Variants in PDZRN3 observed in about 807,000 individuals in gnomAD.
The protein encoded by PDZRN3 is E3 ubiquitin-protein ligase PDZRN3.
PDZRN3 carries 38 observed loss-of-function variants against 85.7 expected under a neutral mutation model. The observed-to-expected ratio is 0.44, with a 90% CI of 0.34 to 0.58. The LOEUF is 0.58. Ranked by LOEUF, PDZRN3 falls within the 20% of genes least tolerant of loss-of-function variation. The pLI, the probability that PDZRN3 is intolerant of heterozygous loss-of-function variation, is 0.01. For synonymous variants in PDZRN3, 759 were observed against 638.0 expected (o/e 1.19, Z -2.86); for missense variants, 1,629 against 1,506.4 (o/e 1.08, Z -1.35).
At chr3:73,555,100 GGGATTT>G (rs1701663206) in intron 3 of PDZRN3, among the ~76,000 whole-genome samples, 11 of 152,114 alleles carry the variant, frequency 7.2e-5, no homozygotes. Context: ...AGGCAATTAG[GGGATTT>G]ATAGCCAATG....
intron 3 of PDZRN3, among the ~76,000 whole-genome samples, chr3:73,435,116 T>C (rs573953608): frequency 7.1e-4 from 108 of 152,264 alleles, no homozygotes; most frequent in Non-Finnish European, 1.2e-3. Context: ...TGAAGAATAA[T>C]GCTCCCTTTC....
chr3:73,496,600 C>T (rs13072073), intron 3 of PDZRN3, among the ~76,000 whole-genome samples: 39,382 of 151,484 alleles, frequency 0.26, 6,334 homozygotes, highest in Non-Finnish European at 0.38. Flanking sequence ...AACTACAATG[C>T]TAATATCACA....
chr3:73,543,775 A>G (rs1701343451), intron 3 of PDZRN3, among the ~76,000 whole-genome samples: 1 of 152,258 alleles, frequency 6.6e-6, no homozygotes, highest in Non-Finnish European at 1.5e-5. Context: ...TACCTTTAAC[A>G]TCTAAAACAG....
chr3:73,432,324 C>T (rs1037543864), intron 3 of PDZRN3, among the ~76,000 whole-genome samples: 1 of 152,182 alleles, frequency 6.6e-6, no homozygotes, highest in African/African-American at 2.4e-5. Context: ...ACATGTCTCC[C>T]AAATGCTTTG....
rs1701301063 is a variant in PDZRN3 at position 73,384,334 on chromosome 3, G to A, written c.2232C>T (p.Thr744=). 1.2e-6 allele frequency: 2 copies of A among 1,611,474 alleles called. No homozygotes were observed. The highest frequency in any genetic ancestry group is 1.7e-6 in the Non-Finnish European group (2 of 1,179,948). ...DVRRHELSDI[T]ELPEKSDKDS... is the part of the protein sequence containing the mutation. ...CCTTGTCGGATTTCTCCGGGAGCTC[G>A]GTGATATCTGAGAGCTCGTGTCTGC... The change falls in exon 10 of 10, where the codon ACC becomes ACT. Residue 744 remains threonine (T), a synonymous_variant. Transcript: ENST00000263666.
chr3:73,402,315 G>C (rs1338946354), intron 4 of PDZRN3: 2 of 152,232 alleles, frequency 1.3e-5, no homozygotes, highest in Non-Finnish European at 2.9e-5. Flanking sequence ...ATGTGAGGCA[G>C]TTTGGTCTGT....
intron 3 of PDZRN3, among the ~76,000 whole-genome samples, chr3:73,405,572 A>G (rs1024546747): frequency 6.6e-6 from 1 of 152,226 alleles, no homozygotes; most frequent in African/African-American, 2.4e-5. Context: ...CATAGGACAC[A>G]TGGCTGCAGA....
At chr3:73,570,982 A>T (rs996413906) in intron 3 of PDZRN3, among the ~76,000 whole-genome samples, 2 of 152,216 alleles carry the variant, frequency 1.3e-5, no homozygotes, top group Non-Finnish European at 2.9e-5. Flanking sequence ...TAAAGAGAAG[A>T]GAAAGATTGT....
At chr3:73,584,427 C>T (rs1286706578) in intron 3 of PDZRN3, among the ~76,000 whole-genome samples, 1 of 65,468 alleles carries the variant, frequency 1.5e-5, no homozygotes, top group African/African-American at 4.3e-5. Context: ...ATTTCCAGCA[C>T]AAGTTAAGTG....
intron 3 of PDZRN3, among the ~76,000 whole-genome samples, chr3:73,588,358 C>T (rs1037053013): frequency 6.6e-6 from 1 of 152,182 alleles, no homozygotes; most frequent in Non-Finnish European, 1.5e-5. Context: ...GTTGGTTCCA[C>T]ATCTTTACTA....
At position 73,404,134 on chromosome 3, in the gene PDZRN3, A is replaced by G; in HGVS notation, c.1166+14T>C. ...CTTCTTAATGCATTAGGGGTTCAAGATTAGGTTACTTACTCCTCTGGCAAG... is the reference window on the plus strand; with the variant it reads ...CTTCTTAATGCATTAGGGGTTCAAGGTTAGGTTACTTACTCCTCTGGCAAG... On this transcript the variant is annotated intron_variant, in intron 4 of 9. Transcript: ENST00000263666. 1 of 1,611,212 alleles carries G rather than the reference A, an allele frequency of 6.2e-7. No homozygotes were observed. Among genetic ancestry groups the G allele is most frequent in the East Asian group, 2.2e-5 (1 of 44,846 alleles).
chr3:73,615,694 G>A (rs1702751557), intron 1 of PDZRN3, among the ~76,000 whole-genome samples: 1 of 152,100 alleles, frequency 6.6e-6, no homozygotes, highest in African/African-American at 2.4e-5. Flanking sequence ...AAAATTACGA[G>A]AAATAAATTT....
chr3:73,409,958 A>AAGT (rs1239894457), intron 3 of PDZRN3, among the ~76,000 whole-genome samples: 1 of 152,232 alleles, frequency 6.6e-6, no homozygotes, highest in East Asian at 1.9e-4. Flanking sequence ...ACCTCATATA[A>AAGT]AGTACGAATG....
At chr3:73,568,335 C>T (rs1185322900) in intron 3 of PDZRN3, among the ~76,000 whole-genome samples, 1 of 152,014 alleles carries the variant, frequency 6.6e-6, no homozygotes. Context: ...ATAAATCTTC[C>T]CCTAAAAAAG....
chr3:73,486,937 A>ATCT (rs10679752), intron 3 of PDZRN3, among the ~76,000 whole-genome samples: 151,851 of 152,290 alleles, frequency 1, 75,711 homozygotes, highest in Middle Eastern at 1. Context: ...TATAAGCTAA[A>ATCT]TCTTTGTCTA....
intron 3 of PDZRN3, among the ~76,000 whole-genome samples, chr3:73,491,621 C>T (rs1575688183): frequency 1.2e-5 from 1 of 81,964 alleles, no homozygotes; most frequent in South Asian, 4.2e-4. Context: ...GCAGGGTCTT[C>T]AGGGTCTTGC....
At chr3:73,402,953 T>G (rs1701782052) in intron 4 of PDZRN3, among the ~76,000 whole-genome samples, 1 of 148,396 alleles carries the variant, frequency 6.7e-6, no homozygotes, top group Non-Finnish European at 1.5e-5. Context: ...TTTTTTTTTT[T>G]TTTTTTTTGA....
Position 73,459,424 on chromosome 3 carries a change from G to C in PDZRN3, c.919-55029C>G, listed in dbSNP as rs1291078073. 2.6e-5 allele frequency among the ~76,000 whole-genome samples: 4 copies of C among 152,126 alleles called. No homozygotes were observed. In the South Asian group the frequency reaches 6.2e-4, roughly 24 times the overall value. ...TTTTATAGGTAAACTCATGTCATGG[G>C]GGTGTGCACATTATTTCATCACTCA... On this transcript the variant is annotated intron_variant, in intron 3 of 9. Transcript: ENST00000263666.
chr3:73,385,228 G>T (rs1006404656), intron 9 of PDZRN3, among the ~76,000 whole-genome samples: 1 of 150,922 alleles, frequency 6.6e-6, no homozygotes, highest in African/African-American at 2.5e-5. Context: ...TACACAGGTA[G>T]AAGGATGTAT....
Sources: allele counts gnomAD v4.1 joint callset (sites outside exome capture counted in the v4.1 genomes callset), GRCh38; gene constraint gnomAD v4.1.1; transcripts MANE v1.5; gene names NCBI Gene and HGNC (gene_info 2026-07-23, HGNC 2026-07-21).